The following GPC6 variants were observed in gnomAD, a reference collection of about 807,000 sequenced individuals.
GPC6 encodes the protein glypican 6.
A neutral mutation model predicts 55.2 loss-of-function variants in GPC6; 14 were observed. That is an observed-to-expected ratio of 0.25 (90% CI 0.17 to 0.40). GPC6 has a LOEUF of 0.40. Among genes scored for constraint, GPC6 ranks in the 10% least tolerant of loss-of-function variants. The pLI is 1.00. For synonymous variants in GPC6, 278 were observed against 259.6 expected (o/e 1.07, Z -0.68); for missense variants, 641 against 708.5 (o/e 0.90, Z 1.08).
In GPC6 at chr13:93,928,816, A is replaced by G. The variant is rs112395239; in HGVS notation, c.711+98271A>G. 7.0e-3 allele frequency among the ~76,000 whole-genome samples: 1,044 copies of G among 149,132 alleles called. 9 individuals carry two copies. The highest frequency in any genetic ancestry group is 0.012 in the Non-Finnish European group (805 of 67,342). ...TTTCAAAGAGGGTTCTCTTCATTCA[A>G]ATATCCCGAGAGAGGGCTTTCTGTT... On this transcript the variant is annotated intron_variant, in intron 3 of 8. Coordinates refer to ENST00000377047, the MANE Select transcript of GPC6 (RefSeq NM_005708.5).
chr13:93,650,528 G>T (rs1880364433), intron 2 of GPC6, among the ~76,000 whole-genome samples: 1 of 151,986 alleles, frequency 6.6e-6, no homozygotes, highest in South Asian at 2.1e-4. Context: ...TAACACACTG[G>T]GAACACAGAG....
intron 3 of GPC6, among the ~76,000 whole-genome samples, chr13:94,020,500 G>A (rs1882655122): frequency 6.6e-6 from 1 of 152,110 alleles, no homozygotes; most frequent in South Asian, 2.1e-4. Context: ...ATTCTGTCAT[G>A]TCATTTTTTG....
intron 3 of GPC6, chr13:93,836,245 C>T (rs1887726810): frequency 1.3e-5 from 2 of 152,112 alleles, no homozygotes. Flanking sequence ...TTATCAAATG[C>T]CTCTGTTTAA....
intron 1 of GPC6, among the ~76,000 whole-genome samples, chr13:93,298,151 C>T (rs562624465): frequency 2.6e-4 from 39 of 152,232 alleles, no homozygotes; most frequent in Admixed American, 1.9e-3. Context: ...ACAGAAAGAA[C>T]GAGCCTATGC....
At chr13:94,228,294 C>A (rs912384972) in intron 4 of GPC6, among the ~76,000 whole-genome samples, 1 of 151,920 alleles carries the variant, frequency 6.6e-6, no homozygotes, top group South Asian at 2.1e-4. Context: ...TGAGGAGGTC[C>A]CTTATGATTT....
chr13:93,757,824 G>A (rs912724507), intron 2 of GPC6, among the ~76,000 whole-genome samples: 3 of 152,062 alleles, frequency 2.0e-5, no homozygotes, highest in Non-Finnish European at 2.9e-5. Flanking sequence ...CTTCACATAG[G>A]GCTGGATAAG....
At chr13:93,792,368 T>C (rs1339609015) in intron 2 of GPC6, among the ~76,000 whole-genome samples, 2 of 152,246 alleles carry the variant, frequency 1.3e-5, no homozygotes, top group Non-Finnish European at 2.9e-5. Context: ...GGGAGTGCAG[T>C]GGCGTGATCT....
intron 6 of GPC6, among the ~76,000 whole-genome samples, chr13:94,341,122 T>TGAG (rs1399372285): frequency 3.3e-5 from 5 of 152,248 alleles, no homozygotes; most frequent in Admixed American, 3.3e-4. Flanking sequence ...TAATATTTGT[T>TGAG]GAGTATTGAC....
At chr13:94,145,478 G>A (rs1370020023) in intron 4 of GPC6, among the ~76,000 whole-genome samples, 1 of 151,948 alleles carries the variant, frequency 6.6e-6, no homozygotes, top group Non-Finnish European at 1.5e-5. Context: ...ATATTTGTTT[G>A]GGAATTAAAA....
At chr13:93,860,775 T>C (rs999007946) in intron 3 of GPC6, among the ~76,000 whole-genome samples, 1 of 151,730 alleles carries the variant, frequency 6.6e-6, no homozygotes, top group Non-Finnish European at 1.5e-5. Context: ...ACTATCTTTA[T>C]AGCTGGCCAA....
At chr13:94,374,129 A>G (rs1391489923) in intron 6 of GPC6, among the ~76,000 whole-genome samples, 4 of 152,084 alleles carry the variant, frequency 2.6e-5, no homozygotes, top group African/African-American at 4.8e-5. Context: ...TGTAAAGACC[A>G]TCGAGACTAG....
intron 1 of GPC6, among the ~76,000 whole-genome samples, chr13:93,303,104 A>G (rs1056537889): frequency 6.6e-6 from 1 of 152,212 alleles, no homozygotes; most frequent in Non-Finnish European, 1.5e-5. Flanking sequence ...AGTTCTTTGT[A>G]TGACTTCCAC....
At chr13:93,754,736 T>G (rs1594428805) in intron 2 of GPC6, among the ~76,000 whole-genome samples, 2 of 152,106 alleles carry the variant, frequency 1.3e-5, no homozygotes, top group Admixed American at 6.6e-5. Context: ...GGAACTACTG[T>G]TCTCATAAAC....
intron 4 of GPC6, among the ~76,000 whole-genome samples, chr13:94,139,919 A>AT (rs35040024): frequency 6.6e-6 from 1 of 151,992 alleles, no homozygotes; most frequent in Non-Finnish European, 1.5e-5. Context: ...AGAGCTACTG[A>AT]TTTTTTCTAT....
At chr13:93,276,495 A>AGTGTGT (rs71675979) in intron 1 of GPC6, among the ~76,000 whole-genome samples, 154 of 94,424 alleles carry the variant, frequency 1.6e-3, no homozygotes, top group South Asian at 3.3e-3. Context: ...AGAGAGAGAG[A>AGTGTGT]GTGTGTGTGT....
chr13:93,341,476 A>G (rs1398682623), intron 1 of GPC6, among the ~76,000 whole-genome samples: 2 of 152,152 alleles, frequency 1.3e-5, no homozygotes, highest in Non-Finnish European at 2.9e-5. Context: ...TGTGGTTTTA[A>G]TTTGCATATC....
In GPC6 at chr13:93,651,687, G is replaced by A. The variant is rs78689255; in HGVS notation, c.319+106266G>A. 3.5e-4 allele frequency among the ~76,000 whole-genome samples: 53 copies of A among 152,252 alleles called. No individual in the cohort carries two copies. The East Asian group carries it at 3.9e-3, about 11-fold the overall frequency. Reference sequence around the variant, plus strand: ...CAGACCAGACACTGCACCTGGAGGTGAGGAGGAAGCCTGGGTCTCCAGGCT... The same window carrying A: ...CAGACCAGACACTGCACCTGGAGGTAAGGAGGAAGCCTGGGTCTCCAGGCT... On this transcript the variant is annotated intron_variant, in intron 2 of 8. Coordinates refer to ENST00000377047, the MANE Select transcript of GPC6 (RefSeq NM_005708.5).
chr13:93,386,733 T>G (rs1000655452), intron 1 of GPC6, among the ~76,000 whole-genome samples: 1 of 152,176 alleles, frequency 6.6e-6, no homozygotes, highest in East Asian at 1.9e-4. Flanking sequence ...ATCAGGAATT[T>G]ATTCTCTCAC....
intron 1 of GPC6, among the ~76,000 whole-genome samples, chr13:93,471,209 CTTCTT>C (rs1168202676): frequency 3.3e-5 from 5 of 151,908 alleles, no homozygotes; most frequent in African/African-American, 7.3e-5. Context: ...TGAGGTCTCT[CTTCTT>C]TTCTTATATA....
Sources: allele counts gnomAD v4.1 joint callset (sites outside exome capture counted in the v4.1 genomes callset), GRCh38; gene constraint gnomAD v4.1.1; transcripts MANE v1.5; gene names NCBI Gene and HGNC (gene_info 2026-07-23, HGNC 2026-07-21).